SEPTIN14: variants seen among roughly 807,000 people sequenced by gnomAD.
The protein encoded by SEPTIN14 is septin-14.
SEPTIN14 carries 40 observed loss-of-function variants against 53.6 expected under a neutral mutation model. The ratio of observed to expected loss-of-function variants is 0.75; its 90% confidence interval spans 0.58 to 0.97. The LOEUF (loss-of-function observed/expected upper bound fraction) is 0.97. Ranked by LOEUF, SEPTIN14 falls within the 50% of genes least tolerant of loss-of-function variation. SEPTIN14 has a pLI of 0.00. For missense variants in SEPTIN14, 471 were observed against 508.2 expected (o/e 0.93, Z 0.70); for synonymous variants, 138 against 166.8 (o/e 0.83, Z 1.33).
At position 55,804,733 on chromosome 7, in the gene SEPTIN14, C is replaced by A. The variant is rs1003635336; in HGVS notation, c.1119+525G>T. On this transcript the variant is annotated intron_variant, in intron 9 of 9. Transcript: ENST00000388975. ...ACTTGAGAGAAAGAAATTATGGTTTCAAAAATATGTCTTCACCAAAAACGT... is the reference window on the plus strand; with the variant it reads ...ACTTGAGAGAAAGAAATTATGGTTTAAAAAATATGTCTTCACCAAAAACGT... Among the ~76,000 whole-genome samples, 5 of 152,222 alleles carry A rather than the reference C, an allele frequency of 3.3e-5. No homozygotes were observed. The East Asian group carries it at 7.7e-4, about 24-fold the overall frequency.
At chr7:55,799,602 T>C (rs1257031953) in intron 9 of SEPTIN14, among the ~76,000 whole-genome samples, 2 of 151,648 alleles carry the variant, frequency 1.3e-5, no homozygotes, top group Admixed American at 6.6e-5. Context: ...GCAGGTATAC[T>C]TATTGCAGAC....
At chr7:55,862,104 G>A in intron 1 of SEPTIN14, 93 bp from the exon 2 acceptor site, 2 of 726,768 alleles carry the variant, frequency 2.8e-6, no homozygotes, top group South Asian at 1.9e-5. Flanking sequence ...CATAATATGG[G>A]TATTTTTGCA....
At chr7:55,805,909 T>C (rs1176980186) in intron 8 of SEPTIN14, among the ~76,000 whole-genome samples, 1 of 152,204 alleles carries the variant, frequency 6.6e-6, no homozygotes, top group South Asian at 2.1e-4. Context: ...TCATTTAAGA[T>C]AGTTAAATTT....
chr7:55,803,068 G>T (rs1181878344), intron 9 of SEPTIN14, among the ~76,000 whole-genome samples: 1 of 151,838 alleles, frequency 6.6e-6, no homozygotes, highest in Non-Finnish European at 1.5e-5. Context: ...CTCCCGATTA[G>T]CTGGGACTAC....
At chr7:55,829,820 CAAA>C (rs35998043) in intron 6 of SEPTIN14, among the ~76,000 whole-genome samples, 101 of 37,582 alleles carry the variant, frequency 2.7e-3, no homozygotes, top group South Asian at 9.2e-3. Context: ...GACTCCATCT[CAAA>C]AAAAAAAAAA....
At chr7:55,820,836 A>T (rs531088890) in intron 6 of SEPTIN14, among the ~76,000 whole-genome samples, 1 of 152,090 alleles carries the variant, frequency 6.6e-6, no homozygotes, top group Non-Finnish European at 1.5e-5. Context: ...GCTACTTGGG[A>T]GGCTGAGGCA....
At chr7:55,837,101 CT>C (rs1789220842) in intron 5 of SEPTIN14, among the ~76,000 whole-genome samples, 1 of 148,962 alleles carries the variant, frequency 6.7e-6, no homozygotes, top group African/African-American at 2.5e-5. Flanking sequence ...AGAAAATATA[CT>C]TTTAACCTTT....
At chr7:55,859,802 T>C (rs1789710223) in intron 2 of SEPTIN14, among the ~76,000 whole-genome samples, 1 of 152,186 alleles carries the variant, frequency 6.6e-6, no homozygotes, top group Non-Finnish European at 1.5e-5. Context: ...ATTGAACCTG[T>C]ATTCACCACA....
chr7:55,849,520 G>C (rs555130301), intron 2 of SEPTIN14, among the ~76,000 whole-genome samples: 2 of 150,918 alleles, frequency 1.3e-5, no homozygotes, highest in African/African-American at 4.9e-5. Flanking sequence ...CTGAGGCAGG[G>C]AGATCACCTG....
chr7:55,851,665 A>G (rs982344344), intron 2 of SEPTIN14, among the ~76,000 whole-genome samples: 3 of 152,160 alleles, frequency 2.0e-5, no homozygotes, highest in Admixed American at 1.3e-4. Flanking sequence ...AAAGCAATCT[A>G]CATATTTAAC....
At chr7:55,850,394 C>T (rs1368467097) in intron 2 of SEPTIN14, among the ~76,000 whole-genome samples, 2 of 152,020 alleles carry the variant, frequency 1.3e-5, no homozygotes, top group African/African-American at 4.8e-5. Flanking sequence ...CCCTTGAACC[C>T]AGGAGGCAGA....
rs532980365 is a variant in SEPTIN14, at chr7:55,805,083, C to T, written c.1119+175G>A. 1.0e-3 allele frequency among the ~76,000 whole-genome samples: 157 copies of T among 152,156 alleles called. 1 individual carries two copies. The highest frequency in any genetic ancestry group is 1.7e-3 in the Non-Finnish European group (114 of 67,994). ...GGAAAATTAAGTTCTCTAGAAAAAA[C>T]ACTACAGACTATAATTTTGTAAAGG... is the stretch of plus-strand genomic sequence containing the variant. On this transcript the variant is annotated intron_variant, in intron 9 of 9. Coordinates refer to ENST00000388975, the MANE Select transcript of SEPTIN14 (RefSeq NM_207366.3).
At chr7:55,800,470 AAAAATTAGCTG>A (rs1265843949) in intron 9 of SEPTIN14, among the ~76,000 whole-genome samples, 4 of 152,078 alleles carry the variant, frequency 2.6e-5, no homozygotes, top group Admixed American at 6.6e-5. Context: ...CTAAAAATAC[AAAAATTAGCTG>A]GGTGTGGTGG....
In SEPTIN14 at chr7:55,843,098, G is replaced by A; in HGVS notation, c.402C>T (p.Ala134=). ...SYQPIVDYID[A]QFEAYLQEEL... ...CTTCTTGAAGATAGGCCTCAAATTG[G>A]GCATCTATGTAGTCAACTATTGGTT... is the stretch of plus-strand genomic sequence containing the variant. The change falls in exon 5 of 10, where the codon GCC becomes GCT. Residue 134 remains alanine, a synonymous_variant. Transcript: ENST00000388975. 1 of 1,600,122 alleles carries A rather than the reference G, an allele frequency of 6.2e-7. No individual in the cohort carries two copies. Among genetic ancestry groups the A allele is most frequent in the Non-Finnish European group, 8.5e-7 (1 of 1,175,586 alleles).
chr7:55,851,861 G>A (rs1789520372), intron 2 of SEPTIN14, among the ~76,000 whole-genome samples: 2 of 151,364 alleles, frequency 1.3e-5, no homozygotes, highest in African/African-American at 4.9e-5. Context: ...ACAAAAAAGA[G>A]GCTGGGCGCA....
chr7:55,811,453 G>A, intron 7 of SEPTIN14: 1 of 359,560 alleles, frequency 2.8e-6, no homozygotes, highest in South Asian at 2.6e-5. Context: ...AGATGGGGAA[G>A]GAAGGCAAAC....
At chr7:55,824,730 A>C (rs1208900275) in intron 6 of SEPTIN14, among the ~76,000 whole-genome samples, 1 of 152,110 alleles carries the variant, frequency 6.6e-6, no homozygotes, top group East Asian at 1.9e-4. Flanking sequence ...TGGAGGTTGC[A>C]GTGAGCCAAG....
intron 2 of SEPTIN14, among the ~76,000 whole-genome samples, chr7:55,855,007 CTTTTT>C (rs59769448): frequency 7.3e-6 from 1 of 136,830 alleles, no homozygotes; most frequent in Admixed American, 7.4e-5. Flanking sequence ...AAGATCACAA[CTTTTT>C]TTTTTTTTTT....
At chr7:55,815,894 A>ATATACAAAGAGATAG (rs1215346423) in intron 7 of SEPTIN14, among the ~76,000 whole-genome samples, 4 of 152,140 alleles carry the variant, frequency 2.6e-5, no homozygotes, top group African/African-American at 9.7e-5. Context: ...AGATAGCTCC[A>ATATACAAAGAGATAG]CTCCCATGTT....
Sources: gnomAD v4.1 joint callset for allele counts (sites outside exome capture counted in the v4.1 genomes callset) on GRCh38, gnomAD v4.1.1 for gene constraint, MANE v1.5 for transcripts, NCBI Gene and HGNC (gene_info 2026-07-23, HGNC 2026-07-21) for gene names.